REPS1: variants seen among roughly 807,000 people sequenced by gnomAD.
REPS1 encodes the protein ralBP1-associated Eps domain-containing protein 1.
In REPS1, 39 loss-of-function variants were observed where a neutral mutation model predicts 100.9. The observed-to-expected ratio is 0.39, with a 90% CI of 0.30 to 0.50. The LOEUF is 0.50. Among genes scored for constraint, REPS1 ranks in the 20% least tolerant of loss-of-function variants. REPS1 has a pLI of 0.86. For synonymous variants in REPS1, 324 were observed against 340.3 expected (o/e 0.95, Z 0.53); for missense variants, 821 against 968.5 (o/e 0.85, Z 2.02).
At chr6:138,916,422 T>C (rs1038973378) in intron 13 of REPS1, among the ~76,000 whole-genome samples, 2 of 148,828 alleles carry the variant, frequency 1.3e-5, no homozygotes, top group South Asian at 2.1e-4. Context: ...AGTTTCACCA[T>C]GTTGGCCAGG....
At position 138,943,987 on chromosome 6, in the gene REPS1, G is replaced by A; in HGVS notation, c.782C>T (p.Ser261Leu). ...QDQTTVRTVA[S>L]ATTAIEIRRQ... is the part of the protein sequence containing the mutation. ...ACGAATTTCAATGGCAGTTGTAGCT[G>A]ATGCTACAGTTCGTACTGTTGTCTG... Residue 261 changes from serine (S) to leucine (L), a missense_variant, in exon 6 of 20, where the codon TCA (serine) becomes TTA (leucine). Transcript: ENST00000450536. The A allele has an allele frequency of 1.2e-6, 2 of 1,613,712 alleles. No individual in the cohort carries two copies. The highest frequency in any genetic ancestry group is 8.5e-7 in the Non-Finnish European group (1 of 1,179,740).
chr6:138,973,638 G>C (rs1363243249), intron 1 of REPS1, among the ~76,000 whole-genome samples: 1 of 148,132 alleles, frequency 6.8e-6, no homozygotes, highest in Non-Finnish European at 1.5e-5. Context: ...GTTTAAAGCA[G>C]AACTACTTAA....
In REPS1 at chr6:138,935,631, G is replaced by A. The variant is rs573626508; in HGVS notation, c.1136-5533C>T. ...TTGGGAATGGAAGACCGAGGCAGGC[G>A]CTTCACGAGGTCAGAAGCTCGAGAC... On this transcript the variant is annotated intron_variant, in intron 8 of 19. Coordinates refer to ENST00000450536, the MANE Select transcript of REPS1 (RefSeq NM_001286611.2). 2.0e-4 allele frequency among the ~76,000 whole-genome samples: 31 copies of A among 152,052 alleles called. No individual in the cohort carries two copies. The South Asian group carries it at 4.6e-3, about 22-fold the overall frequency.
chr6:138,917,461 A>T, intron 13 of REPS1, 94 bp downstream of exon 13: 1 of 961,072 alleles, frequency 1.0e-6, no homozygotes, highest in Non-Finnish European at 1.6e-6. Flanking sequence ...CAGCTTTCAG[A>T]GAACAAAATC....
intron 14 of REPS1, 110 bp downstream of exon 14, chr6:138,915,748 G>A (rs763443072): frequency 1.6e-4 from 130 of 835,350 alleles, no homozygotes; most frequent in Non-Finnish European, 2.4e-4. Flanking sequence ...CACTCGACCA[G>A]ATAAATATTT....
At chr6:138,962,288 A>G (rs1331680889) in intron 1 of REPS1, among the ~76,000 whole-genome samples, 1 of 152,162 alleles carries the variant, frequency 6.6e-6, no homozygotes, top group Admixed American at 6.5e-5. Context: ...TACAGGCATT[A>G]TTATATATTA....
intron 12 of REPS1, 121 bp from the exon 13 acceptor site, chr6:138,917,748 A>G: frequency 1.4e-6 from 1 of 721,646 alleles, no homozygotes; most frequent in Non-Finnish European, 2.3e-6. Context: ...ATTGGCTAAT[A>G]GGCTAACAGT....
chr6:138,965,648 T>C (rs1386215811), intron 1 of REPS1, among the ~76,000 whole-genome samples: 1 of 152,200 alleles, frequency 6.6e-6, no homozygotes, highest in East Asian at 1.9e-4. Flanking sequence ...ACCAGGACTG[T>C]CTTAAGCAAA....
chr6:138,971,313 G>A (rs774339643), intron 1 of REPS1, among the ~76,000 whole-genome samples: 5 of 152,076 alleles, frequency 3.3e-5, no homozygotes, highest in Admixed American at 6.5e-5. Flanking sequence ...TAATTCTGAC[G>A]TGGCACATGT....
chr6:138,979,270 T>A (rs1784799218), intron 1 of REPS1, among the ~76,000 whole-genome samples: 1 of 150,540 alleles, frequency 6.6e-6, no homozygotes, highest in Admixed American at 6.6e-5. Flanking sequence ...TGACCACTCC[T>A]GCTTTCTCAA....
At chr6:138,956,113 T>C (rs1015260416) in intron 1 of REPS1, among the ~76,000 whole-genome samples, 4 of 152,140 alleles carry the variant, frequency 2.6e-5, no homozygotes, top group Admixed American at 2.6e-4. Context: ...TATAGGACGC[T>C]CTCATGTCTT....
At chr6:138,935,637 C>T (rs958854214) in intron 8 of REPS1, among the ~76,000 whole-genome samples, 15 of 152,038 alleles carry the variant, frequency 9.9e-5, no homozygotes, top group African/African-American at 3.4e-4. Context: ...AGGCGCTTCA[C>T]GAGGTCAGAA....
chr6:138,942,775 GAC>G (rs570282153), intron 7 of REPS1, among the ~76,000 whole-genome samples: 3 of 152,028 alleles, frequency 2.0e-5, no homozygotes, highest in African/African-American at 7.2e-5. Context: ...GTTTTTTTGA[GAC>G]AGAATCTCGT....
chr6:138,956,604 G>A (rs1783408578), intron 1 of REPS1, among the ~76,000 whole-genome samples: 1 of 152,032 alleles, frequency 6.6e-6, no homozygotes, highest in Non-Finnish European at 1.5e-5. Context: ...TTAAGAATGA[G>A]CACCTGACCC....
At chr6:138,962,740 C>T (rs1310502479) in intron 1 of REPS1, among the ~76,000 whole-genome samples, 1 of 152,106 alleles carries the variant, frequency 6.6e-6, no homozygotes, top group East Asian at 1.9e-4. Flanking sequence ...CTTGAGCACT[C>T]TACTGTTATT....
Position 138,918,958 on chromosome 6 carries a change from A to G in REPS1, c.1528+1257T>C, listed in dbSNP as rs9403012. 5.3e-4 allele frequency among the ~76,000 whole-genome samples: 80 copies of G among 152,360 alleles called. 1 individual carries two copies. In the East Asian group the frequency reaches 0.015, roughly 29 times the overall value. On this transcript the variant is annotated intron_variant, in intron 12 of 19. Transcript: ENST00000450536. ...GACTGGTTATTTTAATTGTATTTCA[A>G]AATGTATCTCTTTCCTTTTTCTTGT...
At chr6:138,912,026 T>G (rs1176841531) in intron 16 of REPS1, among the ~76,000 whole-genome samples, 1 of 152,144 alleles carries the variant, frequency 6.6e-6, no homozygotes, top group Non-Finnish European at 1.5e-5. Context: ...ATGCCCACTC[T>G]GACCCTCCTA....
chr6:138,926,293 C>G lies in REPS1; in HGVS notation c.1338+108G>C, dbSNP rs1781118117. 6.9e-6 allele frequency: 5 copies of G among 721,652 alleles called. No homozygotes were observed. The Admixed American group carries it at 1.4e-4, about 20-fold the overall frequency. The allele number at this position is 721,652 out of a possible 1,614,324, so 44.7% of individuals were successfully genotyped here. A position where few individuals can be genotyped will look rare whatever the true frequency, so the allele number is the denominator to read the frequency against. ...AAAACCAAAAAGCCTGCCGCCACTTCCCTCTAAGCACTCCACTGAATCATG... is the reference window on the plus strand; with the variant it reads ...AAAACCAAAAAGCCTGCCGCCACTTGCCTCTAAGCACTCCACTGAATCATG... On this transcript the variant is annotated intron_variant, in intron 10 of 19. Coordinates refer to ENST00000450536, the MANE Select transcript of REPS1 (RefSeq NM_001286611.2).
intron 8 of REPS1, among the ~76,000 whole-genome samples, chr6:138,937,488 G>A (rs974029412): frequency 1.3e-5 from 2 of 151,918 alleles, no homozygotes; most frequent in Non-Finnish European, 2.9e-5. Flanking sequence ...AACTCTTCAT[G>A]GAAAGTCTTC....
Sources: gnomAD v4.1 joint callset for allele counts (sites outside exome capture counted in the v4.1 genomes callset) on GRCh38, gnomAD v4.1.1 for gene constraint, MANE v1.5 for transcripts, NCBI Gene and HGNC (gene_info 2026-07-23, HGNC 2026-07-21) for gene names.